PCDH15: variants seen among roughly 807,000 people sequenced by gnomAD.
The protein encoded by PCDH15 is protocadherin related 15, also known as protocadherin-15.
Under a neutral mutation model 178.5 loss-of-function variants are expected in PCDH15, and 129 were observed. That is an observed-to-expected ratio of 0.72 (90% CI 0.63 to 0.84). The LOEUF is 0.84. PCDH15 is among the 40% of genes least tolerant of loss of function. The pLI is 0.00. For synonymous variants in PCDH15, 800 were observed against 732.0 expected, an observed-to-expected ratio of 1.09 and a Z score of -1.50; for missense variants, 2,230 against 2,099.9, an observed-to-expected ratio of 1.06 and a Z score of -1.21.
chr10:55,533,072 C>T (rs557781857), intron 2 of PCDH15, among the ~76,000 whole-genome samples: 8 of 138,568 alleles, frequency 5.8e-5, no homozygotes, highest in East Asian at 2.2e-4. Flanking sequence ...AAAAGTAAAA[C>T]GTCCCTCAAA....
chr10:55,268,677 T>G (rs946560390), intron 1 of PCDH15, among the ~76,000 whole-genome samples: 2 of 152,172 alleles, frequency 1.3e-5, no homozygotes, highest in Non-Finnish European at 2.9e-5. Context: ...ATAAGAAGTT[T>G]TGATGTGTCA....
chr10:54,701,632 A>G (rs1417362993), intron 1 of PCDH15, among the ~76,000 whole-genome samples: 1 of 152,110 alleles, frequency 6.6e-6, no homozygotes, highest in Non-Finnish European at 1.5e-5. Flanking sequence ...AACAGAAAAG[A>G]GAAAAAAGCA....
chr10:54,062,331 TATAAAC>T (rs2094047426), intron 18 of PCDH15, among the ~76,000 whole-genome samples: 1 of 148,916 alleles, frequency 6.7e-6, no homozygotes, highest in Non-Finnish European at 1.5e-5. Context: ...ATCAATAGAA[TATAAAC>T]ACAAAGTTGA....
intron 1 of PCDH15, among the ~76,000 whole-genome samples, chr10:54,730,424 A>G (rs1384165919): frequency 6.6e-6 from 1 of 151,510 alleles, no homozygotes; most frequent in African/African-American, 2.4e-5. Flanking sequence ...GTTGAGGATC[A>G]AAAAGCTACC....
At chr10:55,504,416 G>A (rs73269358) in intron 2 of PCDH15, among the ~76,000 whole-genome samples, 146 of 151,266 alleles carry the variant, frequency 9.7e-4, no homozygotes, top group African/African-American at 3.3e-3. Flanking sequence ...TTGTAAATGA[G>A]GTCTCAAAGA....
chr10:54,170,897 T>C (rs1204842023), intron 13 of PCDH15, among the ~76,000 whole-genome samples: 3 of 152,090 alleles, frequency 2.0e-5, no homozygotes, highest in East Asian at 1.9e-4. Flanking sequence ...TCTGCTATTC[T>C]ACTACTCCTC....
chr10:54,971,321 G>C (rs966441866), intron 2 of PCDH15, among the ~76,000 whole-genome samples: 2 of 152,026 alleles, frequency 1.3e-5, no homozygotes, highest in African/African-American at 4.8e-5. Flanking sequence ...GAACTGGATG[G>C]GTCCTTTTGT....
intron 2 of PCDH15, among the ~76,000 whole-genome samples, chr10:54,971,932 G>A (rs1348602972): frequency 6.6e-6 from 1 of 152,150 alleles, no homozygotes; most frequent in African/African-American, 2.4e-5. Context: ...TGGTATACCT[G>A]TAGAGTTAAT....
intron 23 of PCDH15, among the ~76,000 whole-genome samples, chr10:53,948,492 T>A (rs374940229): frequency 6.6e-6 from 1 of 152,298 alleles, no homozygotes; most frequent in East Asian, 1.9e-4. Flanking sequence ...CATTACTTAA[T>A]GGCATAAAAT....
intron 3 of PCDH15, among the ~76,000 whole-genome samples, chr10:54,861,355 C>A (rs999046094): frequency 2.0e-5 from 3 of 152,086 alleles, no homozygotes; most frequent in Non-Finnish European, 4.4e-5. Flanking sequence ...CATGGACAAA[C>A]TAGAATACCT....
At chr10:55,190,015 T>C (rs1283470629) in intron 1 of PCDH15, among the ~76,000 whole-genome samples, 1 of 151,814 alleles carries the variant, frequency 6.6e-6, no homozygotes, top group Non-Finnish European at 1.5e-5. Context: ...ATTATCCAAG[T>C]ACTCTTCAGT....
chr10:55,245,181 G>A (rs1320937307), intron 1 of PCDH15, among the ~76,000 whole-genome samples: 1 of 152,034 alleles, frequency 6.6e-6, no homozygotes. Flanking sequence ...TACTGCTTCA[G>A]TTCTATTTTC....
intron 1 of PCDH15, among the ~76,000 whole-genome samples, chr10:54,720,800 C>T (rs943894840): frequency 2.5e-4 from 38 of 152,038 alleles, no homozygotes; most frequent in African/African-American, 7.5e-4. Flanking sequence ...TAGTGGAGGA[C>T]TTCAACACCC....
At chr10:54,312,184 A>G (rs1281787909) in intron 8 of PCDH15, among the ~76,000 whole-genome samples, 2 of 152,236 alleles carry the variant, frequency 1.3e-5, no homozygotes, top group South Asian at 2.1e-4. Context: ...CAGAATATAT[A>G]AAGGAAAATA....
chr10:55,168,372 T>A (rs1335843530), intron 1 of PCDH15, among the ~76,000 whole-genome samples: 1 of 152,190 alleles, frequency 6.6e-6, no homozygotes, highest in Non-Finnish European at 1.5e-5. Context: ...AGCTATAAAA[T>A]GGATATTGCA....
At chr10:53,858,394 T>G (rs1337214040) in intron 27 of PCDH15, among the ~76,000 whole-genome samples, 1 of 152,078 alleles carries the variant, frequency 6.6e-6, no homozygotes, top group Non-Finnish European at 1.5e-5. Flanking sequence ...GCCAAAAGTA[T>G]GAAATGATAG....
intron 1 of PCDH15, among the ~76,000 whole-genome samples, chr10:55,215,954 G>A (rs1281663668): frequency 1.3e-5 from 2 of 151,962 alleles, no homozygotes; most frequent in African/African-American, 4.8e-5. Context: ...AGTAGAGAAA[G>A]CATTAAGAAG....
chr10:54,442,940 G>A (rs969771280), intron 3 of PCDH15, among the ~76,000 whole-genome samples: 1 of 151,580 alleles, frequency 6.6e-6, no homozygotes, highest in African/African-American at 2.4e-5. Flanking sequence ...TCTGAAGTAT[G>A]CTTTAAATGA....
intron 1 of PCDH15, among the ~76,000 whole-genome samples, chr10:55,303,952 T>A (rs1843355261): frequency 6.6e-6 from 1 of 152,198 alleles, no homozygotes; most frequent in Non-Finnish European, 1.5e-5. Context: ...GCACTTCATT[T>A]TTTTTAGTTA....
Sources: gnomAD v4.1 joint callset for allele counts (sites outside exome capture counted in the v4.1 genomes callset) on GRCh38, gnomAD v4.1.1 for gene constraint, MANE v1.5 for transcripts, NCBI Gene and HGNC (gene_info 2026-07-23, HGNC 2026-07-21) for gene names.